ITGAE: variants seen among roughly 807,000 people sequenced by gnomAD.
ITGAE encodes the protein integrin subunit alpha E.
Under a neutral mutation model 136.5 loss-of-function variants are expected in ITGAE, and 99 were observed. The ratio of observed to expected loss-of-function variants is 0.73; its 90% confidence interval spans 0.62 to 0.86. The LOEUF is 0.86. Ranked by LOEUF, ITGAE falls within the 40% of genes least tolerant of loss-of-function variation. The pLI is 0.00. For synonymous variants in ITGAE, 613 were observed against 591.8 expected (o/e 1.04, Z -0.52); for missense variants, 1,447 against 1,515.3 (o/e 0.95, Z 0.75).
chr17:3,797,401 A>G lies in ITGAE; in HGVS notation c.34+3710T>C, dbSNP rs186245930. Among the ~76,000 whole-genome samples, 1,068 of 149,938 alleles carry G rather than the reference A, an allele frequency of 7.1e-3. 8 individuals carry two copies. The highest frequency in any genetic ancestry group is 0.045 in the East Asian group (225 of 5,036). On this transcript the variant is annotated intron_variant, in intron 1 of 30. Transcript: ENST00000263087. ...AGGATGGTCTCGATCTCCTGACCTC[A>G]TGATCTGCCCACCTTGGCCTCCTAA...
intron 1 of ITGAE, among the ~76,000 whole-genome samples, chr17:3,778,608 A>T (rs1324193904): frequency 6.6e-6 from 1 of 152,178 alleles, no homozygotes; most frequent in Non-Finnish European, 1.5e-5. Flanking sequence ...CAGAAGCCTT[A>T]GGTCTTCCTT....
chr17:3,763,895 T>C lies in ITGAE; in HGVS notation c.221A>G (p.Gln74Arg), dbSNP rs752166362. ...TACAGGATGGCAAAGGATTTCATCC[T>C]GGACAAGGGAACATCGATGGAGGGG... ...PGPLHRCSLV[Q>R]DEILCHPVEH... Residue 74 changes from glutamine to arginine, a missense_variant, in exon 3 of 31, where the codon CAG becomes CGG. Gln to Arg is a conservative substitution (Grantham distance 43). Coordinates refer to ENST00000263087, the MANE Select transcript of ITGAE (RefSeq NM_002208.5). The C allele has an allele frequency of 3.7e-6, 6 of 1,613,870 alleles. No individual in the cohort carries two copies. The South Asian group carries it at 6.6e-5, about 18-fold the overall frequency.
At chr17:3,739,468 A>G (rs1334339943) in intron 20 of ITGAE, among the ~76,000 whole-genome samples, 1 of 152,142 alleles carries the variant, frequency 6.6e-6, no homozygotes, top group Non-Finnish European at 1.5e-5. Flanking sequence ...GGTTACCTCT[A>G]ACTGAGGTAG....
intron 1 of ITGAE, among the ~76,000 whole-genome samples, chr17:3,793,797 T>C: frequency 6.6e-6 from 1 of 152,094 alleles, no homozygotes; most frequent in East Asian, 1.9e-4. Context: ...TCCACCACCT[T>C]GGCCTCCCAA....
chr17:3,783,180 G>A (rs186380887), intron 1 of ITGAE, among the ~76,000 whole-genome samples: 67 of 152,192 alleles, frequency 4.4e-4, no homozygotes, highest in South Asian at 1.0e-3. Flanking sequence ...TCACTCTGTC[G>A]CCCAAGCTGG....
chr17:3,766,260 T>A (rs1323872396), intron 2 of ITGAE, among the ~76,000 whole-genome samples: 2 of 152,132 alleles, frequency 1.3e-5, no homozygotes, highest in East Asian at 3.9e-4. Context: ...CTGTCCTGGC[T>A]GGGCTGTAAA....
At position 3,798,137 on chromosome 17, in the gene ITGAE, C is replaced by G. The variant is rs1480186177; in HGVS notation, c.34+2974G>C. Among the ~76,000 whole-genome samples the G allele has an allele frequency of 6.6e-6, 1 of 152,206 alleles. No homozygotes were observed. Among genetic ancestry groups the G allele is most frequent in the African/African-American group, 2.4e-5 (1 of 41,436 alleles). On this transcript the variant is annotated intron_variant, in intron 1 of 30. Transcript: ENST00000263087. This position sits in a 1 kb window ranked among gnomAD's most constrained non-coding sequence, Gnocchi z 4.3. The stretch of plus-strand genomic sequence containing the variant: ...TCCCACACGGCCCACACTCCCCCAG[C>G]CAGCTCTCCCCCACACACTGCATTC...
Position 3,755,881 on chromosome 17 carries a change from G to C in ITGAE, c.1188C>G (p.Ala396=). 1 of 1,599,198 alleles carries C rather than the reference G, an allele frequency of 6.3e-7. No homozygotes were observed. Among genetic ancestry groups the C allele is most frequent in the Non-Finnish European group, 8.5e-7 (1 of 1,173,090 alleles). ...CAATCTGTGCCAGCTGGTAGTGAAG[G>C]GCGTCTCCAACCGTGCCTGCAAGCC... ...IISMEGTVGD[A]LHYQLAQIGF... is the part of the protein sequence containing the mutation. The change falls in exon 11 of 31, where the codon GCC becomes GCG. Residue 396 remains alanine, a synonymous_variant. Coordinates refer to ENST00000263087, the MANE Select transcript of ITGAE (RefSeq NM_002208.5).
chr17:3,752,916 C>A (rs2051906287), intron 14 of ITGAE, among the ~76,000 whole-genome samples: 1 of 152,156 alleles, frequency 6.6e-6, no homozygotes, highest in Non-Finnish European at 1.5e-5. Flanking sequence ...GGGTGTGTGG[C>A]CCATGCCTGT....
intron 20 of ITGAE, 27 bp downstream of exon 20, chr17:3,739,778 G>A (rs1421919506): frequency 1.2e-6 from 2 of 1,602,084 alleles, no homozygotes; most frequent in Admixed American, 3.3e-5. Context: ...GGTTAATCGA[G>A]GAAACTGACG....
chr17:3,739,793 T>C lies in ITGAE; in HGVS notation c.2522+12A>G, dbSNP rs777952749. On this transcript the variant is annotated intron_variant, in intron 20 of 30. Transcript: ENST00000263087. ...GGTTAATCGAGGAAACTGACGGCTA[T>C]GTCCAACTCACTGAGAGACGGTGGT... 1 of 1,612,514 alleles carries C rather than the reference T, an allele frequency of 6.2e-7. No homozygotes were observed. Among genetic ancestry groups the C allele is most frequent in the Non-Finnish European group, 8.5e-7 (1 of 1,178,492 alleles).
chr17:3,776,300 C>T (rs943309760), intron 2 of ITGAE, among the ~76,000 whole-genome samples: 9 of 152,010 alleles, frequency 5.9e-5, no homozygotes, highest in East Asian at 1.9e-4. Context: ...TCAAATGATC[C>T]GCCCGCCTCG....
In ITGAE at chr17:3,729,506, TG is replaced by T. The variant is rs2058709929; in HGVS notation, c.2883del (p.Phe961LeufsTer14). The stretch of plus-strand genomic sequence containing the variant: ...GACAGAACTGCAACGAAGCCATGCC[TG>T]AATTGAAGGGTGTGGGTCTCGTTGG... ...SLANETHTLQ[F>X]RHGFVAVLSK... On this transcript the variant is annotated frameshift_variant, in exon 24 of 31. Transcript: ENST00000263087. LOFTEE classifies it high-confidence loss of function. 6.2e-7 allele frequency: 1 copy of T among 1,612,004 alleles called. No individual in the cohort carries two copies. Among genetic ancestry groups the T allele is most frequent in the Non-Finnish European group, 8.5e-7 (1 of 1,178,044 alleles).
chr17:3,727,873 T>G, intron 26 of ITGAE, 46 bp downstream of exon 26: 2 of 1,154,988 alleles, frequency 1.7e-6, no homozygotes, highest in Non-Finnish European at 2.6e-6. Flanking sequence ...GACTCTGTAG[T>G]CACTGTGGAA....
chr17:3,750,271 A>G, intron 16 of ITGAE, 81 bp downstream of exon 16: 1 of 1,555,846 alleles, frequency 6.4e-7, no homozygotes, highest in South Asian at 1.2e-5. Context: ...CTCAGTGCCT[A>G]ATGTCTGCAT....
intron 2 of ITGAE, among the ~76,000 whole-genome samples, chr17:3,772,467 CTTTT>C (rs72134638): frequency 7.3e-6 from 1 of 137,428 alleles, no homozygotes; most frequent in Non-Finnish European, 1.6e-5. Context: ...GGTGAGCAGA[CTTTT>C]TTTTTTTTTT....
Position 3,716,784 on chromosome 17 carries a change from G to T in ITGAE, c.3348C>A (p.Phe1116Leu). ...AAGAATGGTACTTCTCATCTTTCAGGAAGACGACAGTGATCTAGACAAGAC... is the reference window on the plus strand; with the variant it reads ...AAGAATGGTACTTCTCATCTTTCAGTAAGACGACAGTGATCTAGACAAGAC... ...ENHRTKITVVFLKDEKYHSLP... is the reference protein window; with the variant it reads ...ENHRTKITVVLLKDEKYHSLP... Residue 1116 changes from phenylalanine to leucine, a missense_variant, in exon 30 of 31, where the codon TTC (phenylalanine) becomes TTA (leucine). Physicochemically the swap from Phe to Leu is conservative, Grantham distance 22 (BLOSUM62 0). This residue lies in a region of ITGAE where 1,031 missense variants were observed against 1,011.4 expected (regional missense o/e 1.02). Transcript: ENST00000263087. 1 of 1,587,886 alleles carries T rather than the reference G, an allele frequency of 6.3e-7. No homozygotes were observed. The highest frequency in any genetic ancestry group is 8.6e-7 in the Non-Finnish European group (1 of 1,156,304).
rs1271743038 is a variant in ITGAE at position 3,743,758 on chromosome 17, A to G, written c.2320-141T>C. ...TGCTCTGTTGCCCAGGCTGGAGTGC[A>G]GTGGCGTGATCTCGGCTCACTGCAA... On this transcript the variant is annotated intron_variant, in intron 18 of 30. Transcript: ENST00000263087. The G allele has an allele frequency of 5.9e-6, 5 of 846,302 alleles. No individual in the cohort carries two copies. In the Admixed American group the frequency reaches 1.5e-4, roughly 25 times the overall value. The allele number at this position is 846,302 out of a possible 1,614,324, so 52.4% of individuals were successfully genotyped here. A position where few individuals can be genotyped will look rare whatever the true frequency, so the allele number is the denominator to read the frequency against.
chr17:3,797,329 C>A (rs552264617), intron 1 of ITGAE, among the ~76,000 whole-genome samples: 3 of 150,994 alleles, frequency 2.0e-5, no homozygotes, highest in South Asian at 2.1e-4. Flanking sequence ...CCATGCCCAG[C>A]TAATTTTTTG....
Sources: gnomAD v4.1 joint callset for allele counts (sites outside exome capture counted in the v4.1 genomes callset) on GRCh38, gnomAD v4.1.1 for gene constraint, gnomAD v4.1.1 regional missense constraint, Gnocchi (gnomAD v3.1) non-coding constraint, MANE v1.5 for transcripts, NCBI Gene and HGNC (gene_info 2026-07-23, HGNC 2026-07-21) for gene names.